Variants in PDLIM5 observed in about 807,000 individuals in gnomAD.
The protein encoded by PDLIM5 is PDZ and LIM domain 5.
In PDLIM5, 34 loss-of-function variants were observed where a neutral mutation model predicts 64.2. That is an observed-to-expected ratio of 0.53 (90% CI 0.40 to 0.71). The LOEUF (loss-of-function observed/expected upper bound fraction) is 0.71, where lower values mean the gene tolerates loss of function less well. PDLIM5 is among the 30% of genes least tolerant of loss of function. The probability of loss-of-function intolerance (pLI) is 0.00; values close to 1 mark genes in which losing one functional copy is unlikely to be tolerated. For synonymous variants in PDLIM5, 253 were observed against 269.1 expected, an observed-to-expected ratio of 0.94 and a Z score of 0.59; for missense variants, 683 against 733.6, an observed-to-expected ratio of 0.93 and a Z score of 0.80.
intron 3 of PDLIM5, among the ~76,000 whole-genome samples, chr4:94,538,905 G>A (rs1731541173): frequency 6.6e-6 from 1 of 152,170 alleles, no homozygotes; most frequent in Non-Finnish European, 1.5e-5. Context: ...ATGACAGATT[G>A]GGATGAATGA....
chr4:94,614,712 T>A (rs1044563234), intron 7 of PDLIM5, among the ~76,000 whole-genome samples: 2 of 152,190 alleles, frequency 1.3e-5, no homozygotes, highest in African/African-American at 2.4e-5. Context: ...AAGAGTACTG[T>A]TTAAGATTTA....
intron 8 of PDLIM5, among the ~76,000 whole-genome samples, chr4:94,633,832 G>C (rs1451486153): frequency 1.3e-5 from 2 of 152,182 alleles, no homozygotes; most frequent in Non-Finnish European, 2.9e-5. Context: ...ATGGGGTGCT[G>C]TTTTGTATAG....
chr4:94,666,043 A>G lies in PDLIM5; in HGVS notation c.*1976A>G, dbSNP rs1364690899. The G allele has an allele frequency of 4.6e-6, 7 of 1,531,434 alleles. No individual in the cohort carries two copies. 94.9% of individuals were successfully genotyped at this position (1,531,434 alleles called of 1,614,324 possible). A position where few individuals can be genotyped will look rare whatever the true frequency, so the allele number is the denominator to read the frequency against. ...TTTCCAGAATGGATGAAAGTCCATG[A>G]ACCTCCTAAGTTATAATTTAAATTT... On this transcript the variant is annotated 3_prime_UTR_variant, in exon 13 of 13. Transcript: ENST00000317968.
chr4:94,643,030 AC>A (rs777549757), intron 9 of PDLIM5, among the ~76,000 whole-genome samples: 13 of 152,092 alleles, frequency 8.5e-5, no homozygotes, highest in Non-Finnish European at 1.8e-4. Context: ...GTAAAGGCAA[AC>A]TAAAGCACAT....
chr4:94,508,468 C>T (rs1728586438), intron 2 of PDLIM5, among the ~76,000 whole-genome samples: 1 of 152,122 alleles, frequency 6.6e-6, no homozygotes, highest in Non-Finnish European at 1.5e-5. Context: ...TGTTGATGGG[C>T]CTTGGTTTTG....
intron 2 of PDLIM5, among the ~76,000 whole-genome samples, chr4:94,516,722 G>A (rs1384850943): frequency 1.3e-5 from 2 of 151,984 alleles, no homozygotes; most frequent in African/African-American, 4.8e-5. Context: ...TGTAGAGATA[G>A]GGTCTCACTA....
intron 8 of PDLIM5, among the ~76,000 whole-genome samples, chr4:94,632,663 A>G (rs1006259029): frequency 6.6e-6 from 1 of 152,188 alleles, no homozygotes; most frequent in African/African-American, 2.4e-5. Flanking sequence ...TTGTCAATTG[A>G]CCTTAAAAAT....
chr4:94,536,330 G>T (rs1640935204), intron 3 of PDLIM5, among the ~76,000 whole-genome samples: 1 of 152,162 alleles, frequency 6.6e-6, no homozygotes, highest in South Asian at 2.1e-4. Flanking sequence ...AAAGGAGCCT[G>T]ATTCTATGAC....
At chr4:94,647,960 G>A (rs1741547659) in intron 9 of PDLIM5, among the ~76,000 whole-genome samples, 1 of 152,166 alleles carries the variant, frequency 6.6e-6, no homozygotes, top group South Asian at 2.1e-4. Flanking sequence ...AATACTTTGA[G>A]CTGAATGAAA....
chr4:94,623,043 A>T (rs1418019881), intron 8 of PDLIM5, among the ~76,000 whole-genome samples: 2 of 152,214 alleles, frequency 1.3e-5, no homozygotes, highest in Non-Finnish European at 2.9e-5. Flanking sequence ...AAATGATATA[A>T]CTAGGCTGCA....
chr4:94,570,248 G>C (rs1442318551), intron 3 of PDLIM5, among the ~76,000 whole-genome samples: 4 of 152,090 alleles, frequency 2.6e-5, no homozygotes, highest in African/African-American at 7.2e-5. Context: ...GTACTCACAT[G>C]GGCTAAAGCA....
intron 2 of PDLIM5, among the ~76,000 whole-genome samples, chr4:94,486,238 G>A (rs1348600396): frequency 2.6e-5 from 4 of 152,016 alleles, no homozygotes; most frequent in Non-Finnish European, 4.4e-5. Flanking sequence ...AATAATAAAG[G>A]ATACTATTAA....
At chr4:94,546,331 C>A (rs1732313516) in intron 3 of PDLIM5, among the ~76,000 whole-genome samples, 1 of 152,154 alleles carries the variant, frequency 6.6e-6, no homozygotes, top group South Asian at 2.1e-4. Flanking sequence ...CCCGGCCCCA[C>A]ACATCTATAT....
chr4:94,602,764 CT>C (rs1482016802), intron 7 of PDLIM5, among the ~76,000 whole-genome samples: 1 of 151,994 alleles, frequency 6.6e-6, no homozygotes, highest in Non-Finnish European at 1.5e-5. Context: ...CCCCTGCAGC[CT>C]GGTTTTTGTT....
intron 3 of PDLIM5, among the ~76,000 whole-genome samples, chr4:94,552,480 A>G (rs1463436992): frequency 2.6e-5 from 4 of 152,146 alleles, no homozygotes; most frequent in Non-Finnish European, 5.9e-5. Context: ...AATAAAAAAG[A>G]AATAGATTAA....
At chr4:94,524,608 C>T (rs1299506960) in intron 3 of PDLIM5, among the ~76,000 whole-genome samples, 1 of 150,624 alleles carries the variant, frequency 6.6e-6, no homozygotes, top group East Asian at 2.0e-4. Flanking sequence ...ACTTTTTGAA[C>T]TTATTGCTTT....
At chr4:94,541,083 T>C (rs545282392) in intron 3 of PDLIM5, among the ~76,000 whole-genome samples, 1 of 152,352 alleles carries the variant, frequency 6.6e-6, no homozygotes, top group South Asian at 2.1e-4. Flanking sequence ...TCATGTGGGC[T>C]GGTGAGATCC....
At chr4:94,540,132 CTTTT>C (rs10606217) in intron 3 of PDLIM5, among the ~76,000 whole-genome samples, 3 of 140,588 alleles carry the variant, frequency 2.1e-5, no homozygotes, top group Non-Finnish European at 3.1e-5. Context: ...TACTATTCTT[CTTTT>C]TTTTTTTTTT....
At chr4:94,498,000 GGA>G (rs1727560578) in intron 2 of PDLIM5, among the ~76,000 whole-genome samples, 2 of 148,042 alleles carry the variant, frequency 1.4e-5, no homozygotes, top group Admixed American at 1.4e-4. Context: ...AGTTGTTGTT[GGA>G]AAATCCTTTC....
Sources: allele counts gnomAD v4.1 joint callset (sites outside exome capture counted in the v4.1 genomes callset), GRCh38; gene constraint gnomAD v4.1.1; transcripts MANE v1.5; gene names NCBI Gene and HGNC (gene_info 2026-07-23, HGNC 2026-07-21).